The following CDK19 variants were observed in gnomAD, a reference collection of about 807,000 sequenced individuals.
CDK19 encodes the protein cyclin dependent kinase 19.
CDK19 carries 20 observed loss-of-function variants against 68.3 expected under a neutral mutation model. The observed-to-expected ratio is 0.29, with a 90% CI of 0.21 to 0.43. CDK19 has a LOEUF of 0.43. CDK19 is among the 20% of genes least tolerant of loss of function. The pLI, the probability that CDK19 is intolerant of heterozygous loss-of-function variation, is 1.00. For synonymous variants in CDK19, 221 were observed against 222.8 expected, an observed-to-expected ratio of 0.99 and a Z score of 0.07; for missense variants, 339 against 623.5, an observed-to-expected ratio of 0.54 and a Z score of 4.86.
intron 1 of CDK19, among the ~76,000 whole-genome samples, chr6:110,755,205 TA>T (rs1390588162): frequency 2.6e-5 from 4 of 152,096 alleles, no homozygotes; most frequent in African/African-American, 7.2e-5. Context: ...CATGCTCAGC[TA>T]ATTTTTGTAT....
chr6:110,765,475 G>C (rs959353123), intron 1 of CDK19, among the ~76,000 whole-genome samples: 1 of 151,924 alleles, frequency 6.6e-6, no homozygotes, highest in African/African-American at 2.4e-5. Context: ...TCAGGAGATT[G>C]AGACCATCCT....
At chr6:110,814,239 A>G (rs1783373226) in intron 1 of CDK19, 2 of 287,270 alleles carry the variant, frequency 7.0e-6, no homozygotes, top group Non-Finnish European at 1.3e-5. Flanking sequence ...AGTGGAGGAC[A>G]TAATACCCAA....
chr6:110,653,439 C>T (rs576273565), intron 4 of CDK19, among the ~76,000 whole-genome samples: 54 of 152,252 alleles, frequency 3.5e-4, no homozygotes, highest in African/African-American at 1.3e-3. Context: ...AGAAAGGATA[C>T]CAAAATTGTT....
At chr6:110,740,214 T>G (rs1197200230) in intron 2 of CDK19, among the ~76,000 whole-genome samples, 1 of 152,202 alleles carries the variant, frequency 6.6e-6, no homozygotes, top group Non-Finnish European at 1.5e-5. Context: ...AAACATATTT[T>G]AATCTCATAA....
chr6:110,751,619 G>A (rs938097462), intron 1 of CDK19, among the ~76,000 whole-genome samples: 2 of 152,098 alleles, frequency 1.3e-5, no homozygotes, highest in Non-Finnish European at 2.9e-5. Context: ...ACCCTGCTGG[G>A]TCTGTGGAAA....
At position 110,794,043 on chromosome 6, in the gene CDK19, T is replaced by TTTTG. The variant is rs1028180300; in HGVS notation, c.128+20962_128+20965dup. 4.6e-5 allele frequency among the ~76,000 whole-genome samples: 7 copies of TTTTG among 152,174 alleles called. No homozygotes were observed. The East Asian group carries it at 7.7e-4, about 17-fold the overall frequency. On this transcript the variant is annotated intron_variant, in intron 1 of 12. Coordinates refer to ENST00000368911, the MANE Select transcript of CDK19 (RefSeq NM_015076.5). ...AGCATAGTTGTGTTCTTCCCAGTTT[T>TTTTG]TTTGTTTGTTTGTTTGTTTTAAGAT... is the stretch of plus-strand genomic sequence containing the variant.
At chr6:110,734,749 G>C (rs965502926) in intron 2 of CDK19, among the ~76,000 whole-genome samples, 1 of 152,032 alleles carries the variant, frequency 6.6e-6, no homozygotes, top group Non-Finnish European at 1.5e-5. Flanking sequence ...TCACAGTCTT[G>C]ATTATACAGT....
At chr6:110,807,353 C>A (rs1392329181) in intron 1 of CDK19, among the ~76,000 whole-genome samples, 2 of 152,188 alleles carry the variant, frequency 1.3e-5, no homozygotes, top group Non-Finnish European at 2.9e-5. Context: ...CACACATGCA[C>A]ATACCCCAAA....
At chr6:110,765,114 G>A (rs893903921) in intron 1 of CDK19, among the ~76,000 whole-genome samples, 2 of 151,258 alleles carry the variant, frequency 1.3e-5, no homozygotes, top group Non-Finnish European at 2.9e-5. Flanking sequence ...TCTGTGAAAG[G>A]CACTTTAAAG....
intron 2 of CDK19, among the ~76,000 whole-genome samples, chr6:110,692,886 A>G (rs1220694166): frequency 6.6e-6 from 1 of 152,144 alleles, no homozygotes. Flanking sequence ...AATCCCAGCT[A>G]CTTGGGAGGC....
In CDK19 at chr6:110,614,590, G is replaced by C; in HGVS notation, c.1454C>G (p.Ser485Cys). The change falls in exon 13 of 13, where the codon TCC (serine) becomes TGC (cysteine). Residue 485 changes from serine (S) to cysteine (C), a missense_variant. Transcript: ENST00000368911. ...GTACTGTGAGCTCTGCTGAGACGAG[G>C]AAGAGTAGCCAAGTGTGCTCTGGGA... The part of the protein sequence containing the change: ...SQSQSTLGYS[S>C]SSQQSSQYHP... 1 of 1,614,076 alleles carries C rather than the reference G, an allele frequency of 6.2e-7. No individual in the cohort carries two copies. Among genetic ancestry groups the C allele is most frequent in the South Asian group, 1.1e-5 (1 of 91,076 alleles).
intron 1 of CDK19, among the ~76,000 whole-genome samples, chr6:110,759,428 A>AAAAAT (rs1275389842): frequency 2.0e-5 from 1 of 50,904 alleles, no homozygotes; most frequent in Non-Finnish European, 3.3e-5. Context: ...AAAAAAAAAA[A>AAAAAT]ATATATATAT....
chr6:110,788,124 G>C (rs867534577), intron 1 of CDK19, among the ~76,000 whole-genome samples: 27 of 151,922 alleles, frequency 1.8e-4, no homozygotes, highest in East Asian at 5.8e-4. Context: ...ACAGGTGTGA[G>C]CCACCACACC....
intron 2 of CDK19, among the ~76,000 whole-genome samples, chr6:110,723,044 G>A (rs1456980821): frequency 6.7e-6 from 1 of 149,714 alleles, no homozygotes; most frequent in Non-Finnish European, 1.5e-5. Context: ...TCAGCAAGAG[G>A]TGAAGTCTAA....
intron 4 of CDK19, among the ~76,000 whole-genome samples, chr6:110,645,198 A>G (rs1780472808): frequency 6.6e-6 from 1 of 152,246 alleles, no homozygotes; most frequent in Non-Finnish European, 1.5e-5. Flanking sequence ...AATACTGATC[A>G]TATACTAGCA....
At position 110,730,764 on chromosome 6, in the gene CDK19, A is replaced by C. The variant is rs901822282; in HGVS notation, c.204+15362T>G. On this transcript the variant is annotated intron_variant, in intron 2 of 12. Transcript: ENST00000368911. The stretch of plus-strand genomic sequence containing the variant: ...ACCTAAGAGCTTATTAGAAATTTAG[A>C]GTATCGGCTGGGCACAGTGGCTCAC... Among the ~76,000 whole-genome samples, 8 of 152,286 alleles carry C rather than the reference A, an allele frequency of 5.3e-5. No homozygotes were observed. The South Asian group carries it at 1.0e-3, about 20-fold the overall frequency.
intron 2 of CDK19, among the ~76,000 whole-genome samples, chr6:110,723,142 A>AC (rs1447229869): frequency 9.9e-6 from 1 of 100,524 alleles, no homozygotes; most frequent in Non-Finnish European, 2.5e-5. Context: ...TGTCAAAAAA[A>AC]ACAAAAAACA....
At chr6:110,735,283 C>G (rs1264392269) in intron 2 of CDK19, among the ~76,000 whole-genome samples, 1 of 151,716 alleles carries the variant, frequency 6.6e-6, no homozygotes, top group Admixed American at 6.6e-5. Flanking sequence ...TAAGAATATG[C>G]CTGAACACAA....
chr6:110,775,209 C>T (rs1363109771), intron 1 of CDK19, among the ~76,000 whole-genome samples: 1 of 152,136 alleles, frequency 6.6e-6, no homozygotes. Flanking sequence ...CACACCACTG[C>T]ACTCCAGCCT....
Sources: gnomAD v4.1 joint callset for allele counts (sites outside exome capture counted in the v4.1 genomes callset) on GRCh38, gnomAD v4.1.1 for gene constraint, MANE v1.5 for transcripts, NCBI Gene and HGNC (gene_info 2026-07-23, HGNC 2026-07-21) for gene names.